The following GPC6 variants were observed in gnomAD, a reference collection of about 807,000 sequenced individuals.
GPC6 encodes the protein glypican-6.
In GPC6, 14 loss-of-function variants were observed where a neutral mutation model predicts 55.2. That is an observed-to-expected ratio of 0.25 (90% confidence interval 0.17 to 0.40). The LOEUF (loss-of-function observed/expected upper bound fraction) is 0.40. Ranked by LOEUF, GPC6 falls within the 10% of genes least tolerant of loss-of-function variation. The pLI is 1.00. For synonymous variants in GPC6, 278 were observed against 259.6 expected, an observed-to-expected ratio of 1.07 and a Z score of -0.68; for missense variants, 641 against 708.5, an observed-to-expected ratio of 0.90 and a Z score of 1.08.
intron 3 of GPC6, among the ~76,000 whole-genome samples, chr13:93,875,982 A>G (rs1218336889): frequency 6.6e-6 from 1 of 152,088 alleles, no homozygotes; most frequent in Admixed American, 6.6e-5. Context: ...AGTCTGCAGC[A>G]TTAAGGTTCC....
In GPC6 at chr13:94,101,653, T is replaced by C. The variant is rs181322402; in HGVS notation, c.877+73759T>C. 1.9e-3 allele frequency among the ~76,000 whole-genome samples: 285 copies of C among 152,300 alleles called. 3 individuals carry two copies. Among genetic ancestry groups the C allele is most frequent in the Admixed American group, 4.6e-3 (70 of 15,292 alleles). ...TTGAATAATGCAGGGAAAGAATGCTTCCTCCATTTTGAACTGATGATGAAT... is the reference window on the plus strand; with the variant it reads ...TTGAATAATGCAGGGAAAGAATGCTCCCTCCATTTTGAACTGATGATGAAT... On this transcript the variant is annotated intron_variant, in intron 4 of 8. Transcript: ENST00000377047.
chr13:93,228,483 GAGCGCC>G (rs1457763011), intron 1 of GPC6, among the ~76,000 whole-genome samples: 1 of 152,174 alleles, frequency 6.6e-6, no homozygotes, highest in Non-Finnish European at 1.5e-5. Flanking sequence ...AAGAGCTTGA[GAGCGCC>G]CACCCTTTCT....
At chr13:94,188,537 A>G (rs1268045007) in intron 4 of GPC6, among the ~76,000 whole-genome samples, 1 of 152,222 alleles carries the variant, frequency 6.6e-6, no homozygotes, top group Non-Finnish European at 1.5e-5. Context: ...AAAAAAAGAA[A>G]GTGAAATCAT....
intron 4 of GPC6, among the ~76,000 whole-genome samples, chr13:94,104,627 A>T (rs1885986508): frequency 6.6e-6 from 1 of 152,250 alleles, no homozygotes; most frequent in African/African-American, 2.4e-5. Flanking sequence ...GTCTCAGGAT[A>T]CAAAATCAAT....
At chr13:93,393,127 TAG>T (rs144440794) in intron 1 of GPC6, among the ~76,000 whole-genome samples, 1,734 of 87,426 alleles carry the variant, frequency 0.02, 21 homozygotes, top group African/African-American at 0.051. Context: ...TATATATATA[TAG>T]AGAGAGAGAG....
chr13:93,766,736 A>C lies in GPC6; in HGVS notation c.320-63418A>C, dbSNP rs1481036486. Among the ~76,000 whole-genome samples the C allele has an allele frequency of 5.3e-5, 8 of 152,250 alleles. No individual in the cohort carries two copies. In the South Asian group the frequency reaches 1.5e-3, roughly 28 times the overall value. On this transcript the variant is annotated intron_variant, in intron 2 of 8. Transcript: ENST00000377047. ...TCTCCATAAGCATTATTACCAAAAA[A>C]ATTCTCTTTTTGGGCATCTTGTTGA...
In GPC6 at chr13:93,949,865, T is replaced by C. The variant is rs114713276; in HGVS notation, c.712-77864T>C. The stretch of plus-strand genomic sequence containing the variant: ...CCTCAGCCTCCCAAGTAGCTGGGAC[T>C]ACGACTGCATACCACCACCCCCGGC... On this transcript the variant is annotated intron_variant, in intron 3 of 8. Coordinates refer to ENST00000377047, the MANE Select transcript of GPC6 (RefSeq NM_005708.5). Among the ~76,000 whole-genome samples, 559 of 152,208 alleles carry C rather than the reference T, an allele frequency of 3.7e-3. 4 individuals are homozygous for C. The highest frequency in any genetic ancestry group is 0.013 in the African/African-American group (531 of 41,520).
chr13:93,231,133 G>A (rs1875987942), intron 1 of GPC6, among the ~76,000 whole-genome samples: 3 of 151,372 alleles, frequency 2.0e-5, no homozygotes, highest in African/African-American at 7.3e-5. Flanking sequence ...AAGGCTGTGT[G>A]ACAGGAACTT....
At chr13:93,748,212 T>A (rs1884466345) in intron 2 of GPC6, among the ~76,000 whole-genome samples, 1 of 152,156 alleles carries the variant, frequency 6.6e-6, no homozygotes, top group South Asian at 2.1e-4. Context: ...TTCTTATTTT[T>A]AGCCTTTAAA....
At chr13:93,641,587 G>A (rs1006368327) in intron 2 of GPC6, among the ~76,000 whole-genome samples, 4 of 152,056 alleles carry the variant, frequency 2.6e-5, no homozygotes, top group Admixed American at 6.6e-5. Flanking sequence ...AAAGTAGGAA[G>A]CTGTAATTCT....
At chr13:94,158,713 T>G (rs1888046654) in intron 4 of GPC6, among the ~76,000 whole-genome samples, 1 of 152,116 alleles carries the variant, frequency 6.6e-6, no homozygotes, top group Non-Finnish European at 1.5e-5. Context: ...ATTTTACCAC[T>G]TCGTATCTCA....
chr13:93,883,743 A>C (rs1875144520), intron 3 of GPC6, among the ~76,000 whole-genome samples: 1 of 152,086 alleles, frequency 6.6e-6, no homozygotes, highest in Admixed American at 6.6e-5. Context: ...GGTTTTGCCA[A>C]ATACTTTTTG....
chr13:93,757,738 C>A (rs1226256230), intron 2 of GPC6, among the ~76,000 whole-genome samples: 2 of 152,080 alleles, frequency 1.3e-5, no homozygotes, highest in Non-Finnish European at 2.9e-5. Flanking sequence ...ATGACTCCAG[C>A]AAGGATTCTG....
intron 3 of GPC6, among the ~76,000 whole-genome samples, chr13:93,920,294 G>T (rs915691885): frequency 2.0e-5 from 3 of 151,860 alleles, no homozygotes; most frequent in African/African-American, 7.3e-5. Context: ...ATCCCCCAAG[G>T]TCCTGTTTCC....
chr13:93,698,865 A>T (rs2138791683), intron 2 of GPC6, among the ~76,000 whole-genome samples: 1 of 150,364 alleles, frequency 6.7e-6, no homozygotes, highest in East Asian at 2.0e-4. Context: ...GGAGTTCGTG[A>T]TTATATATCT....
chr13:94,294,866 G>A (rs1438474065), intron 5 of GPC6, among the ~76,000 whole-genome samples: 1 of 151,798 alleles, frequency 6.6e-6, no homozygotes, highest in Non-Finnish European at 1.5e-5. Flanking sequence ...GGTTATTTTT[G>A]TGCTTACTTT....
At chr13:93,488,119 C>G (rs918216269) in intron 1 of GPC6, among the ~76,000 whole-genome samples, 9 of 152,154 alleles carry the variant, frequency 5.9e-5, no homozygotes, top group African/African-American at 1.4e-4. Context: ...TCCCTCCCCC[C>G]TCCTTTCACC....
chr13:94,073,211 A>G (rs892564395), intron 4 of GPC6, among the ~76,000 whole-genome samples: 1 of 152,176 alleles, frequency 6.6e-6, no homozygotes, highest in Non-Finnish European at 1.5e-5. Context: ...GAAGTAAAGC[A>G]GTGGTTTGAT....
intron 1 of GPC6, among the ~76,000 whole-genome samples, chr13:93,379,194 C>A (rs1875052806): frequency 6.6e-6 from 1 of 152,154 alleles, no homozygotes. Flanking sequence ...GCTAGGACTA[C>A]ATAGCCCAGA....
Sources: allele counts gnomAD v4.1 joint callset (sites outside exome capture counted in the v4.1 genomes callset), GRCh38; gene constraint gnomAD v4.1.1; transcripts MANE v1.5; gene names NCBI Gene and HGNC (gene_info 2026-07-23, HGNC 2026-07-21).